Variants in KCNH1 observed in about 807,000 individuals in gnomAD.
KCNH1 encodes potassium voltage-gated channel subfamily H member 1.
In KCNH1, 27 loss-of-function variants were observed where a neutral mutation model predicts 69.2. That is an observed-to-expected ratio of 0.39 (90% confidence interval 0.29 to 0.54). The LOEUF is 0.54. KCNH1 is among the 20% of genes least tolerant of loss of function. The pLI is 0.68. For missense variants in KCNH1, 798 were observed against 1,261.6 expected, an observed-to-expected ratio of 0.63 and a Z score of 5.57; for synonymous variants, 456 against 487.7, an observed-to-expected ratio of 0.93 and a Z score of 0.86.
intron 9 of KCNH1, among the ~76,000 whole-genome samples, chr1:210,779,032 C>A (rs1274927814): frequency 6.6e-6 from 1 of 152,102 alleles, no homozygotes; most frequent in African/African-American, 2.4e-5. Context: ...ATATTGTGGT[C>A]GGAATACACC....
At chr1:210,737,821 A>C (rs1014128110) in intron 10 of KCNH1, among the ~76,000 whole-genome samples, 2 of 152,226 alleles carry the variant, frequency 1.3e-5, no homozygotes, top group Non-Finnish European at 2.9e-5. Context: ...ACTTAGACTA[A>C]GTCACCATTG....
intron 5 of KCNH1, among the ~76,000 whole-genome samples, chr1:211,023,911 T>C (rs1251177062): frequency 1.3e-5 from 2 of 152,160 alleles, no homozygotes; most frequent in Admixed American, 6.5e-5. Flanking sequence ...TAATTTACTA[T>C]ATATTTCAAA....
intron 9 of KCNH1, among the ~76,000 whole-genome samples, chr1:210,788,003 C>T (rs1684135625): frequency 6.6e-6 from 1 of 152,186 alleles, no homozygotes; most frequent in Non-Finnish European, 1.5e-5. Context: ...TCCTTCTGTT[C>T]TTCATTACTG....
chr1:211,067,761 A>C (rs1037949444), intron 5 of KCNH1, among the ~76,000 whole-genome samples: 1 of 152,222 alleles, frequency 6.6e-6, no homozygotes, highest in African/African-American at 2.4e-5. Context: ...TAGGAAGAAG[A>C]AACAACGTCC....
chr1:210,858,896 C>T (rs1356567279), intron 7 of KCNH1: 1 of 307,972 alleles, frequency 3.2e-6, no homozygotes, highest in East Asian at 6.0e-5. Flanking sequence ...CACTTTGAAG[C>T]TTCAGAGTCA....
chr1:210,687,479 C>T (rs1017402778), intron 10 of KCNH1, among the ~76,000 whole-genome samples: 4 of 152,174 alleles, frequency 2.6e-5, no homozygotes, highest in African/African-American at 9.6e-5. Context: ...ATCCTGTGTG[C>T]TAGGCAGCCC....
chr1:211,016,256 A>AG (rs1441910282), intron 6 of KCNH1, among the ~76,000 whole-genome samples: 3 of 152,096 alleles, frequency 2.0e-5, no homozygotes, highest in Non-Finnish European at 2.9e-5. Context: ...CAACATATAC[A>AG]GTTGGTTTGG....
intron 6 of KCNH1, among the ~76,000 whole-genome samples, chr1:210,987,951 G>T (rs532389321): frequency 6.6e-6 from 1 of 152,372 alleles, no homozygotes; most frequent in South Asian, 2.1e-4. Context: ...GTTCCTGGCT[G>T]CTTTGTTTAC....
intron 6 of KCNH1, among the ~76,000 whole-genome samples, chr1:211,018,159 T>G (rs980215569): frequency 6.6e-6 from 1 of 152,178 alleles, no homozygotes; most frequent in Non-Finnish European, 1.5e-5. Context: ...TTTTGACTTT[T>G]CTTTGTAAGT....
intron 6 of KCNH1, among the ~76,000 whole-genome samples, chr1:210,954,858 C>T (rs780618301): frequency 1.2e-4 from 19 of 152,094 alleles, no homozygotes; most frequent in Non-Finnish European, 2.6e-4. Flanking sequence ...GGTTGCCTGT[C>T]CACTCTGATG....
At chr1:210,737,183 G>C (rs1342427546) in intron 10 of KCNH1, among the ~76,000 whole-genome samples, 1 of 152,142 alleles carries the variant, frequency 6.6e-6, no homozygotes, top group East Asian at 1.9e-4. Flanking sequence ...TAGTCACTGG[G>C]CAGCCAGAGG....
chr1:210,966,234 C>T (rs1436693147), intron 6 of KCNH1, among the ~76,000 whole-genome samples: 1 of 152,104 alleles, frequency 6.6e-6, no homozygotes, highest in African/African-American at 2.4e-5. Context: ...AAAATTAACT[C>T]GAGATGGATT....
chr1:210,951,880 C>T (rs1380048595), intron 6 of KCNH1, among the ~76,000 whole-genome samples: 4 of 152,254 alleles, frequency 2.6e-5, no homozygotes, highest in Admixed American at 6.5e-5. Context: ...TTTTCTAGAA[C>T]GTTCTCCTTA....
At chr1:211,048,929 T>G (rs1471475793) in intron 5 of KCNH1, among the ~76,000 whole-genome samples, 1 of 152,038 alleles carries the variant, frequency 6.6e-6, no homozygotes. Context: ...AGCCTAAAAT[T>G]GGGGTAGTCC....
intron 10 of KCNH1, among the ~76,000 whole-genome samples, chr1:210,713,549 T>C (rs1259858418): frequency 1.3e-5 from 2 of 152,174 alleles, no homozygotes; most frequent in African/African-American, 2.4e-5. Context: ...CATAAAGAAA[T>C]AGATCGTCTT....
intron 6 of KCNH1, among the ~76,000 whole-genome samples, chr1:210,963,669 A>G (rs1051491711): frequency 6.6e-6 from 1 of 152,082 alleles, no homozygotes; most frequent in African/African-American, 2.4e-5. Flanking sequence ...AGCCGAATTG[A>G]TCAAGCGGAA....
intron 6 of KCNH1, among the ~76,000 whole-genome samples, chr1:210,988,064 G>A (rs150598001): frequency 0.014 from 2,184 of 152,338 alleles, 49 homozygotes; most frequent in African/African-American, 0.049. Context: ...GATTCTGTGG[G>A]TGTAGGACCC....
At chr1:210,694,037 TAC>T (rs1681583761) in intron 10 of KCNH1, among the ~76,000 whole-genome samples, 2 of 152,168 alleles carry the variant, frequency 1.3e-5, no homozygotes, top group Non-Finnish European at 1.5e-5. Context: ...GGAAAAGTCT[TAC>T]AGACTGGATC....
At chr1:211,106,555 G>A (rs1173393985) in intron 2 of KCNH1, among the ~76,000 whole-genome samples, 3 of 151,724 alleles carry the variant, frequency 2.0e-5, no homozygotes, top group Non-Finnish European at 2.9e-5. Flanking sequence ...AGGCCAAGGC[G>A]GGCAGACCAC....
Sources: gnomAD v4.1 joint callset for allele counts (sites outside exome capture counted in the v4.1 genomes callset) on GRCh38, gnomAD v4.1.1 for gene constraint, MANE v1.5 for transcripts, NCBI Gene and HGNC (gene_info 2026-07-23, HGNC 2026-07-21) for gene names.